The following STK32B variants were observed in gnomAD, a reference collection of about 807,000 sequenced individuals.
STK32B encodes serine/threonine-protein kinase 32B.
A neutral mutation model predicts 52.6 loss-of-function variants in STK32B; 43 were observed. The observed-to-expected ratio is 0.82, with a 90% CI of 0.64 to 1.05. The LOEUF (loss-of-function observed/expected upper bound fraction) is 1.05. Ranked by LOEUF, STK32B falls within the 50% of genes least tolerant of loss-of-function variation. STK32B has a pLI of 0.00. For missense variants in STK32B, 621 were observed against 534.6 expected (o/e 1.16, Z -1.59); for synonymous variants, 238 against 204.3 (o/e 1.17, Z -1.41).
At chr4:5,126,494 A>G (rs762229991) in intron 1 of STK32B, among the ~76,000 whole-genome samples, 13 of 152,216 alleles carry the variant, frequency 8.5e-5, no homozygotes, top group Non-Finnish European at 1.8e-4. Flanking sequence ...TGCTACTCAC[A>G]CTGCCCAGTG....
intron 3 of STK32B, among the ~76,000 whole-genome samples, chr4:5,323,590 C>T (rs140942262): frequency 4.6e-5 from 7 of 152,324 alleles, no homozygotes; most frequent in Non-Finnish European, 8.8e-5. Context: ...GGGCCTAGCA[C>T]CCTTCCTTCC....
intron 3 of STK32B, among the ~76,000 whole-genome samples, chr4:5,326,162 T>G (rs563988311): frequency 6.6e-6 from 1 of 152,318 alleles, no homozygotes; most frequent in Admixed American, 6.5e-5. Context: ...CTTTGACAGT[T>G]TAGCTGTGAG....
chr4:5,446,411 T>A (rs745817900), intron 6 of STK32B, among the ~76,000 whole-genome samples: 5 of 151,836 alleles, frequency 3.3e-5, no homozygotes, highest in Admixed American at 6.6e-5. Flanking sequence ...ACTAAAAATA[T>A]CACAATTAGC....
At chr4:5,059,724 C>T (rs543722262) in intron 1 of STK32B, among the ~76,000 whole-genome samples, 1 of 152,198 alleles carries the variant, frequency 6.6e-6, no homozygotes, top group East Asian at 1.9e-4. Flanking sequence ...ATTTAAATAT[C>T]AGAATAGAAC....
chr4:5,053,998 A>AATAC (rs1741894713), intron 1 of STK32B, among the ~76,000 whole-genome samples: 1 of 151,498 alleles, frequency 6.6e-6, no homozygotes, highest in Non-Finnish European at 1.5e-5. Context: ...TAAATAAATA[A>AATAC]ATAAATATAA....
chr4:5,127,960 G>T (rs777531094), intron 1 of STK32B, among the ~76,000 whole-genome samples: 7 of 152,196 alleles, frequency 4.6e-5, no homozygotes, highest in Non-Finnish European at 1.0e-4. Context: ...TATAAGATGT[G>T]ACTTTGCTCC....
chr4:5,158,512 C>T lies in STK32B; in HGVS notation c.109-9787C>T, dbSNP rs531449001. Among the ~76,000 whole-genome samples, 20 of 152,248 alleles carry T rather than the reference C, an allele frequency of 1.3e-4. 1 individual carries two copies. In the South Asian group the frequency reaches 2.3e-3, roughly 17 times the overall value. The stretch of plus-strand genomic sequence containing the variant: ...TTATTCCTTTCCTTATTCATTCGTT[C>T]GTAATTGTATACTTAGGATCCTCTT... On this transcript the variant is annotated intron_variant, in intron 2 of 11. Coordinates refer to ENST00000282908, the MANE Select transcript of STK32B (RefSeq NM_018401.3).
At chr4:5,384,808 A>G (rs985057734) in intron 4 of STK32B, among the ~76,000 whole-genome samples, 1 of 152,132 alleles carries the variant, frequency 6.6e-6, no homozygotes, top group Admixed American at 6.6e-5. Context: ...AACAGAAGGA[A>G]GGGGCTGTGA....
chr4:5,479,123 G>GTTT (rs5855856), intron 11 of STK32B, among the ~76,000 whole-genome samples: 2 of 139,390 alleles, frequency 1.4e-5, no homozygotes, highest in Admixed American at 7.3e-5. Flanking sequence ...TTTTGTTTTT[G>GTTT]TTTTTTTTTT....
At chr4:5,269,531 A>G (rs1727284025) in intron 3 of STK32B, among the ~76,000 whole-genome samples, 1 of 152,348 alleles carries the variant, frequency 6.6e-6, no homozygotes, top group South Asian at 2.1e-4. Context: ...GAGGTAATAC[A>G]GCAATCAACT....
intron 3 of STK32B, among the ~76,000 whole-genome samples, chr4:5,290,572 T>C (rs763045515): frequency 5.9e-5 from 9 of 152,188 alleles, no homozygotes; most frequent in Non-Finnish European, 1.3e-4. Flanking sequence ...ACTGAAACAT[T>C]ACACAGCACG....
At chr4:5,330,598 C>A (rs778263052) in intron 3 of STK32B, among the ~76,000 whole-genome samples, 1 of 152,164 alleles carries the variant, frequency 6.6e-6, no homozygotes, top group Admixed American at 6.5e-5. Context: ...GTAGCTCACT[C>A]GCATGGCAGG....
At chr4:5,487,798 A>G (rs144416613) in intron 11 of STK32B, among the ~76,000 whole-genome samples, 7 of 152,298 alleles carry the variant, frequency 4.6e-5, no homozygotes, top group Non-Finnish European at 8.8e-5. Flanking sequence ...ACAGTGTGGA[A>G]AACACCCCCT....
intron 6 of STK32B, chr4:5,435,907 C>T (rs148001247): frequency 6.6e-6 from 1 of 152,386 alleles, no homozygotes; most frequent in African/African-American, 2.4e-5. Flanking sequence ...GTCCACTGTA[C>T]CTGTGAAGAG....
At chr4:5,086,170 T>C (rs1051928000) in intron 1 of STK32B, among the ~76,000 whole-genome samples, 4 of 152,202 alleles carry the variant, frequency 2.6e-5, no homozygotes, top group South Asian at 2.1e-4. Context: ...TATAGGTTCA[T>C]GTGCATGCCC....
intron 3 of STK32B, among the ~76,000 whole-genome samples, chr4:5,178,900 C>T (rs1720133927): frequency 6.6e-6 from 1 of 152,190 alleles, no homozygotes; most frequent in African/African-American, 2.4e-5. Context: ...TCTTCTGAGC[C>T]CTCCAATCTG....
At chr4:5,271,019 C>T (rs991378820) in intron 3 of STK32B, among the ~76,000 whole-genome samples, 2 of 148,122 alleles carry the variant, frequency 1.4e-5, no homozygotes, top group African/African-American at 4.9e-5. Flanking sequence ...CCCACTGCAA[C>T]CTCTGCCTCC....
intron 1 of STK32B, among the ~76,000 whole-genome samples, chr4:5,074,130 G>T (rs772629130): frequency 5.4e-4 from 81 of 151,354 alleles, no homozygotes; most frequent in Admixed American, 1.3e-4. Context: ...ATGTATTTCA[G>T]ACCACTTGAT....
intron 6 of STK32B, chr4:5,436,707 T>C (rs1714112344): frequency 6.2e-6 from 6 of 974,586 alleles, no homozygotes; most frequent in Non-Finnish European, 6.1e-6. Context: ...GGCAGCTGAA[T>C]ATCACTGTGA....
Sources: allele counts gnomAD v4.1 joint callset (sites outside exome capture counted in the v4.1 genomes callset), GRCh38; gene constraint gnomAD v4.1.1; transcripts MANE v1.5; gene names NCBI Gene and HGNC (gene_info 2026-07-23, HGNC 2026-07-21).